Variants in CDH2 observed in about 807,000 individuals in gnomAD.
CDH2 encodes the protein cadherin-2.
Under a neutral mutation model 92.0 loss-of-function variants are expected in CDH2, and 17 were observed. That is an observed-to-expected ratio of 0.18 (90% CI 0.13 to 0.28). The LOEUF (loss-of-function observed/expected upper bound fraction) is 0.28, where lower values mean the gene tolerates loss of function less well. Ranked by LOEUF, CDH2 falls within the 10% of genes least tolerant of loss-of-function variation. CDH2 has a pLI of 1.00. For synonymous variants in CDH2, 419 were observed against 415.9 expected (o/e 1.01, Z -0.09); for missense variants, 862 against 1,133.1 (o/e 0.76, Z 3.44).
chr18:28,101,806 T>G, intron 2 of CDH2, among the ~76,000 whole-genome samples: 1 of 152,124 alleles, frequency 6.6e-6, no homozygotes, highest in East Asian at 1.9e-4. Context: ...CCTTGATTGC[T>G]TAAGAATTCC....
At chr18:28,084,697 C>A (rs1388427799) in intron 2 of CDH2, among the ~76,000 whole-genome samples, 1 of 152,104 alleles carries the variant, frequency 6.6e-6, no homozygotes, top group East Asian at 1.9e-4. Context: ...TTCCTTCAAC[C>A]TCATCCACCC....
intron 14 of CDH2, among the ~76,000 whole-genome samples, chr18:27,981,506 A>C (rs536083644): frequency 6.6e-6 from 1 of 152,206 alleles, no homozygotes. Flanking sequence ...GAGCTGGGGT[A>C]TTGTAAACCA....
chr18:28,004,540 T>C (rs1011375156), intron 6 of CDH2, among the ~76,000 whole-genome samples: 4 of 152,188 alleles, frequency 2.6e-5, no homozygotes, highest in East Asian at 3.9e-4. Context: ...AAATGCATCA[T>C]AAATATAGCT....
At chr18:28,122,149 A>T (rs2015599060) in intron 2 of CDH2, among the ~76,000 whole-genome samples, 2 of 152,022 alleles carry the variant, frequency 1.3e-5, no homozygotes, top group African/African-American at 4.8e-5. Context: ...AAACATCTCA[A>T]TTGGCTTCAT....
chr18:28,095,580 G>A (rs1471991726), intron 2 of CDH2, among the ~76,000 whole-genome samples: 26 of 152,060 alleles, frequency 1.7e-4, no homozygotes, highest in Admixed American at 1.6e-3. Context: ...CACTTTGGGA[G>A]GCCAAGGCGG....
At chr18:28,100,680 C>T (rs1005703145) in intron 2 of CDH2, among the ~76,000 whole-genome samples, 71 of 152,306 alleles carry the variant, frequency 4.7e-4, no homozygotes, top group African/African-American at 1.6e-3. Flanking sequence ...AGTCTAGCTT[C>T]GCAGATTTTT....
At chr18:28,175,116 T>G (rs1171977268) in intron 1 of CDH2, among the ~76,000 whole-genome samples, 2 of 152,088 alleles carry the variant, frequency 1.3e-5, no homozygotes, top group African/African-American at 4.8e-5. Flanking sequence ...ATAAATGAAG[T>G]GACAGGAGGT....
At chr18:28,105,471 T>C (rs1233803080) in intron 2 of CDH2, among the ~76,000 whole-genome samples, 1 of 152,184 alleles carries the variant, frequency 6.6e-6, no homozygotes, top group East Asian at 1.9e-4. Flanking sequence ...TTTACAGAGT[T>C]CTGGAATACT....
chr18:28,091,195 T>G (rs999457549), intron 2 of CDH2, among the ~76,000 whole-genome samples: 1 of 152,226 alleles, frequency 6.6e-6, no homozygotes, highest in Non-Finnish European at 1.5e-5. Flanking sequence ...TTTGTTTTTT[T>G]CCTACTAGAA....
chr18:28,008,153 TAAG>T (rs754708647), intron 5 of CDH2, among the ~76,000 whole-genome samples: 1 of 152,228 alleles, frequency 6.6e-6, no homozygotes, highest in Non-Finnish European at 1.5e-5. Flanking sequence ...AGAATTCCTA[TAAG>T]AAGAGATCCT....
At chr18:27,964,562 C>G (rs1567940002) in intron 14 of CDH2, among the ~76,000 whole-genome samples, 1 of 152,190 alleles carries the variant, frequency 6.6e-6, no homozygotes. Flanking sequence ...ATCTCTCTGT[C>G]TGAAACTAGC....
intron 14 of CDH2, among the ~76,000 whole-genome samples, chr18:27,972,209 C>T (rs950795039): frequency 2.6e-5 from 4 of 152,060 alleles, no homozygotes; most frequent in African/African-American, 9.7e-5. Flanking sequence ...CAGATTTTAA[C>T]TTTGTTAATG....
intron 2 of CDH2, among the ~76,000 whole-genome samples, chr18:28,060,149 A>G (rs1195937916): frequency 7.7e-6 from 1 of 129,662 alleles, no homozygotes; most frequent in African/African-American, 2.7e-5. Flanking sequence ...TTTCAATAAG[A>G]GATGCAAATT....
chr18:28,027,717 T>G (rs2013592555), intron 2 of CDH2, among the ~76,000 whole-genome samples: 1 of 152,138 alleles, frequency 6.6e-6, no homozygotes, highest in Admixed American at 6.6e-5. Flanking sequence ...TTTTAAGCTG[T>G]TCTTCACTTC....
chr18:28,094,939 A>G, intron 2 of CDH2, among the ~76,000 whole-genome samples: 1 of 152,170 alleles, frequency 6.6e-6, no homozygotes, highest in Non-Finnish European at 1.5e-5. Context: ...TTGGGGGGAA[A>G]TAAATGTTAA....
At chr18:28,008,220 T>C (rs950448118) in intron 5 of CDH2, among the ~76,000 whole-genome samples, 1 of 152,220 alleles carries the variant, frequency 6.6e-6, no homozygotes, top group Non-Finnish European at 1.5e-5. Context: ...TTAGTCTAAG[T>C]AGAGGCAGGT....
In CDH2 at chr18:28,045,291, CTTG is replaced by C. The variant is rs200984996; in HGVS notation, c.173-31385_173-31383del. Reference sequence around the variant, plus strand: ...AGCTTCCTAACTGAGCTAGTTTGTCCTTGTTGTACTCACCAAATTTACCCTCCC... The same window carrying C: ...AGCTTCCTAACTGAGCTAGTTTGTCCTTGTACTCACCAAATTTACCCTCCC... On this transcript the variant is annotated intron_variant, in intron 2 of 15. Coordinates refer to ENST00000269141, the MANE Select transcript of CDH2 (RefSeq NM_001792.5). The C allele has an allele frequency of 6.9e-5, 26 of 376,536 alleles. No homozygotes were observed. The East Asian group carries it at 1.8e-3, about 26-fold the overall frequency. The allele number at this position is 376,536 out of a possible 1,614,324, so 23.3% of individuals were successfully genotyped here.
At chr18:28,013,323 T>A (rs992007255) in intron 3 of CDH2, among the ~76,000 whole-genome samples, 2 of 152,184 alleles carry the variant, frequency 1.3e-5, no homozygotes, top group African/African-American at 4.8e-5. Flanking sequence ...ACTTTAAATC[T>A]GTACTTCTCA....
chr18:27,982,089 T>C (rs2012073692), intron 14 of CDH2, among the ~76,000 whole-genome samples: 1 of 152,164 alleles, frequency 6.6e-6, no homozygotes, highest in Non-Finnish European at 1.5e-5. Flanking sequence ...CTTAACTTGG[T>C]TTTATACCAC....
Sources: gnomAD v4.1 joint callset for allele counts (sites outside exome capture counted in the v4.1 genomes callset) on GRCh38, gnomAD v4.1.1 for gene constraint, MANE v1.5 for transcripts, NCBI Gene and HGNC (gene_info 2026-07-23, HGNC 2026-07-21) for gene names.